Variants in HMOX1 observed in about 807,000 individuals in gnomAD.
HMOX1 encodes the protein heme oxygenase 1.
Under a neutral mutation model 27.8 loss-of-function variants are expected in HMOX1, and 22 were observed. The observed-to-expected ratio is 0.79, with a 90% CI of 0.57 to 1.13. The LOEUF is 1.13. HMOX1 is among the 50% of genes most tolerant of loss of function. The probability of loss-of-function intolerance (pLI) is 0.00; values close to 1 mark genes in which losing one functional copy is unlikely to be tolerated. For synonymous variants in HMOX1, 153 were observed against 151.6 expected (o/e 1.01, Z -0.07); for missense variants, 379 against 377.7 (o/e 1.00, Z -0.03).
rs764730658 is a variant in HMOX1, at chr22:35,383,238, G to T, written c.144+12G>T. 1 of 1,612,582 alleles carries T rather than the reference G, an allele frequency of 6.2e-7. No individual in the cohort carries two copies. The highest frequency in any genetic ancestry group is 8.5e-7 in the Non-Finnish European group (1 of 1,178,954). Reference sequence around the variant, plus strand: ...GAGACGGCTTCAAGGTATGTGGCTTGGTGGGACTAGCCCTGGTGGAGGGTG... The same window carrying T: ...GAGACGGCTTCAAGGTATGTGGCTTTGTGGGACTAGCCCTGGTGGAGGGTG... On this transcript the variant is annotated intron_variant, in intron 2 of 4. Coordinates refer to ENST00000216117, the MANE Select transcript of HMOX1 (RefSeq NM_002133.3).
chr22:35,389,107 C>T lies in HMOX1; in HGVS notation c.637-757C>T, dbSNP rs535693536. 1.4e-4 allele frequency among the ~76,000 whole-genome samples: 21 copies of T among 152,194 alleles called. No homozygotes were observed. In the South Asian group the frequency reaches 3.7e-3, roughly 27 times the overall value. On this transcript the variant is annotated intron_variant, in intron 3 of 4. Transcript: ENST00000216117. ...ACTCTAAATCCAGGATCATTGTTAT[C>T]GGTTGGGAGGGCAAGAGCAGGCAGG...
intron 4 of HMOX1, among the ~76,000 whole-genome samples, chr22:35,391,586 CTTTTTTTTTTT>C (rs56153278): frequency 5.6e-5 from 5 of 89,008 alleles, no homozygotes; most frequent in Non-Finnish European, 9.9e-5. Context: ...CGCGCCCGGC[CTTTTTTTTTTT>C]TTTTTTTTTT....
At chr22:35,392,448 C>A (rs1396755212) in intron 4 of HMOX1, among the ~76,000 whole-genome samples, 4 of 152,160 alleles carry the variant, frequency 2.6e-5, no homozygotes, top group African/African-American at 9.7e-5. Flanking sequence ...GTAAATGTCA[C>A]AGTGTACCTG....
In HMOX1 at chr22:35,393,480, T is replaced by G; in HGVS notation, c.749T>G (p.Val250Gly). Residue 250 changes from valine to glycine, a missense_variant, in exon 5 of 5, where the codon GTG becomes GGG. Coordinates refer to ENST00000216117, the MANE Select transcript of HMOX1 (RefSeq NM_002133.3). ...ASNKVQDSAP[V>G]ETPRGKPPLN... Reference sequence around the variant, plus strand: ...TTTTCTCTTTCAGATTCTGCCCCCGTGGAGACTCCCAGAGGGAAGCCCCCA... The same window carrying G: ...TTTTCTCTTTCAGATTCTGCCCCCGGGGAGACTCCCAGAGGGAAGCCCCCA... 2 of 1,614,166 alleles carry G rather than the reference T, an allele frequency of 1.2e-6. No individual in the cohort carries two copies. The highest frequency in any genetic ancestry group is 2.2e-5 in the South Asian group (2 of 91,084).
chr22:35,391,998 G>A (rs992179973), intron 4 of HMOX1, among the ~76,000 whole-genome samples: 8 of 151,820 alleles, frequency 5.3e-5, no homozygotes, highest in East Asian at 1.9e-4. Context: ...GCTGAGGCAC[G>A]GGGATCACTT....
At chr22:35,381,617 C>A (rs1194276519) in intron 1 of HMOX1, among the ~76,000 whole-genome samples, 1 of 152,100 alleles carries the variant, frequency 6.6e-6, no homozygotes, top group Non-Finnish European at 1.5e-5. Flanking sequence ...CCAGACATCA[C>A]CCTGGCTGCG....
Position 35,389,316 on chromosome 22 carries a change from TTTC to T in HMOX1, c.637-542_637-540del, listed in dbSNP as rs1443199661. On this transcript the variant is annotated intron_variant, in intron 3 of 4. Coordinates refer to ENST00000216117, the MANE Select transcript of HMOX1 (RefSeq NM_002133.3). ...TCTTTCTTCTTTCTTTCTTTCTTTC[TTTC>T]TTCTTTCTTTCTTTCTTTCTTCTCC... is the stretch of plus-strand genomic sequence containing the variant. Among the ~76,000 whole-genome samples the T allele has an allele frequency of 3.4e-4, 44 of 127,962 alleles. 2 individuals are homozygous for T. The highest frequency in any genetic ancestry group is 3.8e-3 in the Middle Eastern group (1 of 260). 83.9% of individuals were successfully genotyped at this position (127,962 alleles called of 152,430 possible).
At chr22:35,387,296 C>A in intron 3 of HMOX1, 120 bp downstream of exon 3, 2 of 1,178,100 alleles carry the variant, frequency 1.7e-6, no homozygotes, top group Non-Finnish European at 2.5e-6. Context: ...AGAGTTCCAG[C>A]ACTGCCACTT....
chr22:35,383,811 C>G (rs1931442902), intron 2 of HMOX1, among the ~76,000 whole-genome samples: 1 of 152,206 alleles, frequency 6.6e-6, no homozygotes, highest in Admixed American at 6.5e-5. Context: ...ATTTCAACAG[C>G]AGGGTTTTCT....
At chr22:35,382,555 G>A (rs1294182992) in intron 1 of HMOX1, among the ~76,000 whole-genome samples, 1 of 148,990 alleles carries the variant, frequency 6.7e-6, no homozygotes, top group Non-Finnish European at 1.5e-5. Context: ...TAGAGATAGG[G>A]TTTCACCATG....
intron 3 of HMOX1, among the ~76,000 whole-genome samples, chr22:35,388,809 C>CA (rs573199237): frequency 0.037 from 5,363 of 146,718 alleles, 296 homozygotes; most frequent in African/African-American, 0.11. Context: ...AAACAAAAAA[C>CA]AAACAAAAAA....
intron 4 of HMOX1, among the ~76,000 whole-genome samples, chr22:35,392,818 A>G (rs1041692888): frequency 4.0e-5 from 6 of 151,728 alleles, no homozygotes; most frequent in Non-Finnish European, 7.4e-5. Context: ...CCTGGGTTCA[A>G]GCAATTCTCT....
At chr22:35,381,218 CG>C in intron 1 of HMOX1, 22 bp downstream of exon 1, 1 of 1,544,918 alleles carries the variant, frequency 6.5e-7, no homozygotes, top group South Asian at 1.2e-5. Flanking sequence ...GCGCGGGACG[CG>C]GGACGGGCGC....
At chr22:35,389,231 TTC>T (rs1555901542) in intron 3 of HMOX1, among the ~76,000 whole-genome samples, 1 of 137,138 alleles carries the variant, frequency 7.3e-6, no homozygotes, top group African/African-American at 3.4e-5. Flanking sequence ...CTTTCTTTCT[TTC>T]TTTCTTTTTC....
chr22:35,384,009 A>G (rs1272675795), intron 2 of HMOX1, among the ~76,000 whole-genome samples: 1 of 152,112 alleles, frequency 6.6e-6, no homozygotes, highest in Admixed American at 6.5e-5. Flanking sequence ...GCTATATCCC[A>G]CCACCTTCAT....
intron 2 of HMOX1, among the ~76,000 whole-genome samples, chr22:35,383,732 T>C (rs892181074): frequency 6.6e-6 from 1 of 152,200 alleles, no homozygotes; most frequent in South Asian, 2.1e-4. Context: ...AGAACCCTTT[T>C]CTAACAGTGA....
chr22:35,381,252 C>A lies in HMOX1; in HGVS notation c.23+56C>A, dbSNP rs577457141. 3.3e-5 allele frequency: 50 copies of A among 1,532,206 alleles called. No individual in the cohort carries two copies. The South Asian group carries it at 5.4e-4, about 16-fold the overall frequency. The allele number at this position is 1,532,206 out of a possible 1,614,324, so 94.9% of individuals were successfully genotyped here. A position where few individuals can be genotyped will look rare whatever the true frequency, so the allele number is the denominator to read the frequency against. ...CGCCTTTCTCTCCCAACCCTGCTTG[C>A]GTCCTAGCCCCACCCCGGGACACTG... On this transcript the variant is annotated intron_variant, in intron 1 of 4. Transcript: ENST00000216117.
rs1395110739 is a variant in HMOX1, at chr22:35,387,008, C to A, written c.468C>A (p.Asp156Glu). The A allele has an allele frequency of 6.2e-7, 1 of 1,613,906 alleles. No individual in the cohort carries two copies. Among genetic ancestry groups the A allele is most frequent in the Non-Finnish European group, 8.5e-7 (1 of 1,180,038 alleles). ...VLKKIAQKAL[D>E]LPSSGEGLAF... ...AAAAGATTGCCCAGAAAGCCCTGGA[C>A]CTGCCCAGCTCTGGCGAGGGCCTGG... Residue 156 changes from aspartate to glutamate, a missense_variant, in exon 3 of 5, where the codon GAC (aspartate) becomes GAA (glutamate). Transcript: ENST00000216117.
Position 35,389,894 on chromosome 22 carries a change from C to T in HMOX1, c.667C>T (p.His223Tyr), listed in dbSNP as rs199705355. ...TGAGGAGTTGCAGGAGCTGCTGACC[C>T]ATGACACCAAGGACCAGAGCCCCTC... ...LFEELQELLTHDTKDQSPSRA... is the reference protein window; with the variant it reads ...LFEELQELLTYDTKDQSPSRA... The change falls in exon 4 of 5, where the codon CAT becomes TAT. Residue 223 changes from histidine to tyrosine, a missense_variant. By Grantham distance (83) the His-to-Tyr change is moderately conservative. Transcript: ENST00000216117. 28 of 1,611,544 alleles carry T rather than the reference C, an allele frequency of 1.7e-5. No individual in the cohort carries two copies. The African/African-American group carries it at 2.9e-4, about 17-fold the overall frequency.
Sources: gnomAD v4.1 joint callset for allele counts (sites outside exome capture counted in the v4.1 genomes callset) on GRCh38, gnomAD v4.1.1 for gene constraint, MANE v1.5 for transcripts, NCBI Gene and HGNC (gene_info 2026-07-23, HGNC 2026-07-21) for gene names.